The following BRD3 variants were observed in gnomAD, a reference collection of about 807,000 sequenced individuals.
BRD3 encodes the protein bromodomain containing 3, also known as bromodomain-containing protein 3.
BRD3 carries 17 observed loss-of-function variants against 66.8 expected under a neutral mutation model. The ratio of observed to expected loss-of-function variants is 0.25; its 90% CI spans 0.17 to 0.38. BRD3 has a LOEUF of 0.38. Among genes scored for constraint, BRD3 ranks in the 10% least tolerant of loss-of-function variants. BRD3 has a pLI of 1.00. For missense variants in BRD3, 713 were observed against 956.1 expected, an observed-to-expected ratio of 0.75 and a Z score of 3.35; for synonymous variants, 421 against 393.2, an observed-to-expected ratio of 1.07 and a Z score of -0.84.
intron 11 of BRD3, chr9:134,034,486 C>T (rs1223820172): frequency 1.6e-6 from 1 of 644,156 alleles, no homozygotes; most frequent in African/African-American, 1.8e-5. Context: ...TTCACACACA[C>T]TTGACATGTG....
intron 9 of BRD3, among the ~76,000 whole-genome samples, chr9:134,039,100 C>A (rs1829987379): frequency 3.3e-5 from 5 of 152,114 alleles, no homozygotes; most frequent in Admixed American, 1.3e-4. Context: ...CCTGGCCATG[C>A]CGCCTCCCAA....
At chr9:134,041,175 G>A (rs1216523317) in intron 8 of BRD3, among the ~76,000 whole-genome samples, 1 of 152,222 alleles carries the variant, frequency 6.6e-6, no homozygotes, top group African/African-American at 2.4e-5. Context: ...TCCCAATCTG[G>A]GGTCCCAGAA....
chr9:134,041,530 A>G (rs1830046276), intron 8 of BRD3, among the ~76,000 whole-genome samples: 1 of 152,222 alleles, frequency 6.6e-6, no homozygotes, highest in Admixed American at 6.5e-5. Flanking sequence ...CCAGGTCTCC[A>G]GAAACATCCC....
At chr9:134,066,645 C>T (rs1201709211) in intron 1 of BRD3, among the ~76,000 whole-genome samples, 4 of 152,108 alleles carry the variant, frequency 2.6e-5, no homozygotes, top group African/African-American at 9.7e-5. Context: ...AACTCTTTTC[C>T]TCTTCTGTTC....
chr9:134,037,913 A>G (rs950873724), intron 9 of BRD3, among the ~76,000 whole-genome samples: 6 of 152,324 alleles, frequency 3.9e-5, no homozygotes, highest in Non-Finnish European at 8.8e-5. Flanking sequence ...AAGTTTGACA[A>G]TCCGAGTGGA....
Position 134,030,536 on chromosome 9 carries a change from C to T in BRD3, c.*3054G>A, listed in dbSNP as rs772997700. On this transcript the variant is annotated 3_prime_UTR_variant, in exon 12 of 12. Transcript: ENST00000303407. ...GCACTAAAAAGTTTAAGAAAAGTTA[C>T]GGTAAACTTGCATGCACATCATACA... 7 of 210,650 alleles carry T rather than the reference C, an allele frequency of 3.3e-5. No individual in the cohort carries two copies. The highest frequency in any genetic ancestry group is 9.1e-5 in the African/African-American group (4 of 43,936). 13.0% of individuals were successfully genotyped at this position (210,650 alleles called of 1,614,324 possible).
chr9:134,052,280 G>A lies in BRD3; in HGVS notation c.351+26C>T, dbSNP rs200792428. 573 of 1,609,834 alleles carry A rather than the reference G, an allele frequency of 3.6e-4. 3 individuals carry two copies. The South Asian group carries it at 4.8e-3, about 13-fold the overall frequency. ...CAGCGCCCCAATCCTTACTGCAAGC[G>A]GCGTGCCAGGCCCGCATCTTCTTAC... On this transcript the variant is annotated intron_variant, in intron 3 of 11. Transcript: ENST00000303407.
intron 1 of BRD3, among the ~76,000 whole-genome samples, chr9:134,061,048 A>G (rs891786202): frequency 6.6e-6 from 1 of 152,234 alleles, no homozygotes; most frequent in Non-Finnish European, 1.5e-5. Context: ...GTTGCCACCA[A>G]AGAAAACACC....
At chr9:134,041,353 G>A (rs1830043099) in intron 8 of BRD3, among the ~76,000 whole-genome samples, 1 of 152,180 alleles carries the variant, frequency 6.6e-6, no homozygotes, top group African/African-American at 2.4e-5. Flanking sequence ...CTGGGCAGCT[G>A]CACGGCAGGG....
chr9:134,067,237 G>A (rs939669204), intron 1 of BRD3, among the ~76,000 whole-genome samples: 3 of 152,102 alleles, frequency 2.0e-5, no homozygotes, highest in African/African-American at 7.2e-5. Context: ...ACGGGAACTG[G>A]GTCTCCCCCT....
chr9:134,037,421 A>G (rs1829948204), intron 9 of BRD3, among the ~76,000 whole-genome samples: 1 of 152,032 alleles, frequency 6.6e-6, no homozygotes, highest in Admixed American at 6.5e-5. Context: ...AAATACAAAA[A>G]TGAGCCAGGC....
chr9:134,044,155 A>T (rs1830117919), intron 7 of BRD3, among the ~76,000 whole-genome samples: 1 of 152,194 alleles, frequency 6.6e-6, no homozygotes, highest in African/African-American at 2.4e-5. Context: ...CTCAGTATAA[A>T]ACCAGGGTTC....
intron 1 of BRD3, among the ~76,000 whole-genome samples, chr9:134,054,674 A>G (rs1314926650): frequency 6.6e-6 from 1 of 152,196 alleles, no homozygotes; most frequent in Non-Finnish European, 1.5e-5. Flanking sequence ...CTCCGGCCCC[A>G]GAACCGGCCA....
At chr9:134,035,092 G>C (rs7024684) in intron 10 of BRD3, among the ~76,000 whole-genome samples, 2,133 of 152,306 alleles carry the variant, frequency 0.014, 55 homozygotes, top group African/African-American at 0.049. Context: ...AGGTGACAGA[G>C]GCCATTCCTA....
intron 1 of BRD3, chr9:134,058,308 C>T (rs778860643): frequency 2.0e-5 from 3 of 152,322 alleles, no homozygotes; most frequent in Non-Finnish European, 2.9e-5. Context: ...TCCCAAGTCC[C>T]CTGGGGCCGC....
At chr9:134,051,428 C>A in intron 4 of BRD3, 134 bp downstream of exon 4, 1 of 963,594 alleles carries the variant, frequency 1.0e-6, no homozygotes, top group Non-Finnish European at 1.4e-6. Flanking sequence ...CACACTCATC[C>A]AAGACCCGGC....
At chr9:134,043,248 G>T (rs1830098567) in intron 7 of BRD3, among the ~76,000 whole-genome samples, 1 of 152,106 alleles carries the variant, frequency 6.6e-6, no homozygotes, top group Admixed American at 6.6e-5. Flanking sequence ...TGAGATTACA[G>T]GGGTAAGCCA....
rs539021164 is a variant in BRD3 at position 134,030,961 on chromosome 9, C to T, written c.*2629G>A. The T allele has an allele frequency of 4.3e-6, 1 of 231,374 alleles. No individual in the cohort carries two copies. The highest frequency in any genetic ancestry group is 6.1e-5 in the East Asian group (1 of 16,390). The allele number at this position is 231,374 out of a possible 1,614,324, so 14.3% of individuals were successfully genotyped here. A position where few individuals can be genotyped will look rare whatever the true frequency, so the allele number is the denominator to read the frequency against. On this transcript the variant is annotated 3_prime_UTR_variant, in exon 12 of 12. Coordinates refer to ENST00000303407, the MANE Select transcript of BRD3 (RefSeq NM_007371.4). ...GCAGTGGGACAATCTAATTGAATCA[C>T]CGCAGCCTTCTAATACAGAAGAAAC...
intron 7 of BRD3, among the ~76,000 whole-genome samples, chr9:134,042,710 T>TAC (rs1564550605): frequency 1.5e-4 from 13 of 88,738 alleles, no homozygotes; most frequent in African/African-American, 3.5e-4. Context: ...CACATATATA[T>TAC]ACACATATAT....
Sources: gnomAD v4.1 joint callset for allele counts (sites outside exome capture counted in the v4.1 genomes callset) on GRCh38, gnomAD v4.1.1 for gene constraint, MANE v1.5 for transcripts, NCBI Gene and HGNC (gene_info 2026-07-23, HGNC 2026-07-21) for gene names.